LAMC3: variants seen among roughly 807,000 people sequenced by gnomAD.
LAMC3 encodes the protein laminin subunit gamma-3.
LAMC3 carries 128 observed loss-of-function variants against 173.8 expected under a neutral mutation model. That is an observed-to-expected ratio of 0.74 (90% CI 0.64 to 0.85). The LOEUF (loss-of-function observed/expected upper bound fraction) is 0.85, where lower values mean the gene tolerates loss of function less well. Among genes scored for constraint, LAMC3 ranks in the 40% least tolerant of loss-of-function variants. LAMC3 has a pLI of 0.00. For synonymous variants in LAMC3, 897 were observed against 909.1 expected (o/e 0.99, Z 0.24); for missense variants, 2,022 against 2,156.0 (o/e 0.94, Z 1.23).
intron 25 of LAMC3, 59 bp downstream of exon 25, chr9:131,085,782 C>T (rs1160492611): frequency 2.8e-5 from 42 of 1,523,008 alleles, no homozygotes; most frequent in Non-Finnish European, 2.2e-5. Context: ...ACCGCCCTTC[C>T]GCGGGCCCCT....
intron 15 of LAMC3, among the ~76,000 whole-genome samples, 168 bp downstream of exon 15, chr9:131,068,399 G>A (rs552017168): frequency 2.0e-5 from 3 of 152,274 alleles, no homozygotes; most frequent in South Asian, 2.1e-4. Context: ...CTTGGCATCC[G>A]ACTCATGCTC....
rs1834235643 is a variant in LAMC3 at position 131,049,145 on chromosome 9, A to G, written c.1630+15A>G. 2.0e-6 allele frequency: 3 copies of G among 1,465,682 alleles called. No homozygotes were observed. Among genetic ancestry groups the G allele is most frequent in the Admixed American group, 2.0e-5 (1 of 50,894 alleles). The allele number at this position is 1,465,682 out of a possible 1,614,324, so 90.8% of individuals were successfully genotyped here. A position where few individuals can be genotyped will look rare whatever the true frequency, so the allele number is the denominator to read the frequency against. On this transcript the variant is annotated intron_variant, in intron 9 of 27. Coordinates refer to ENST00000361069, the MANE Select transcript of LAMC3 (RefSeq NM_006059.4). Reference sequence around the variant, plus strand: ...CACAGCACCAGGTACCTCCAGCACCAGGTGGGGGCTGGCCGCCCTGTGTCG... The same window carrying G: ...CACAGCACCAGGTACCTCCAGCACCGGGTGGGGGCTGGCCGCCCTGTGTCG...
intron 12 of LAMC3, among the ~76,000 whole-genome samples, chr9:131,058,818 C>T (rs1829743581): frequency 6.7e-6 from 1 of 149,228 alleles, no homozygotes; most frequent in African/African-American, 2.5e-5. Context: ...CGCTTGAACC[C>T]AGGAGGCAGA....
Position 131,066,959 on chromosome 9 carries a change from G to C in LAMC3, c.2348-1G>C, listed in dbSNP as rs1829945601. 1.2e-6 allele frequency: 2 copies of C among 1,613,752 alleles called. No homozygotes were observed. Among genetic ancestry groups the C allele is most frequent in the Non-Finnish European group, 1.7e-6 (2 of 1,180,032 alleles). ...CCCACACGTGCTCCCTCTACACACAGGGCGGCGCTGTGAGGTCTGTGATGA... is the reference window on the plus strand; with the variant it reads ...CCCACACGTGCTCCCTCTACACACACGGCGGCGCTGTGAGGTCTGTGATGA... On this transcript the variant is annotated splice_acceptor_variant, in intron 13 of 27. Transcript: ENST00000361069. LOFTEE classifies it high-confidence loss of function.
In LAMC3 at chr9:131,052,866, G is replaced by A. The variant is rs375603737; in HGVS notation, c.1840G>A (p.Glu614Lys). Residue 614 changes from glutamate to lysine, a missense_variant, in exon 11 of 28, where the codon GAG (glutamate) becomes AAG (lysine). Physicochemically the swap from Glu to Lys is moderately conservative, Grantham distance 56. Coordinates refer to ENST00000361069, the MANE Select transcript of LAMC3 (RefSeq NM_006059.4). ...ELRFHLQETSEDVAPPLPPFH... is the reference protein window; with the variant it reads ...ELRFHLQETSKDVAPPLPPFH... ...TCTCGCCAGCCTGCAGGAGACCTCCGAGGACGTGGCCCCTCCACTGCCCCC... is the reference window on the plus strand; with the variant it reads ...TCTCGCCAGCCTGCAGGAGACCTCCAAGGACGTGGCCCCTCCACTGCCCCC... 16 of 1,610,242 alleles carry A rather than the reference G, an allele frequency of 9.9e-6. No individual in the cohort carries two copies. The highest frequency in any genetic ancestry group is 2.7e-5 in the African/African-American group (2 of 73,962).
In LAMC3 at chr9:131,072,811, T is replaced by C. The variant is rs771414461; in HGVS notation, c.3393T>C (p.His1131=). 6.2e-7 allele frequency: 1 copy of C among 1,612,588 alleles called. No individual in the cohort carries two copies. The highest frequency in any genetic ancestry group is 8.5e-7 in the Non-Finnish European group (1 of 1,179,480). The change falls in exon 19 of 28, where the codon CAT becomes CAC. Residue 1131 remains histidine (H), a synonymous_variant. Coordinates refer to ENST00000361069, the MANE Select transcript of LAMC3 (RefSeq NM_006059.4). ...VLESSEEEIL[H]AAAILASLEI... ...AGTCCTCGGAAGAGGAGATTCTGCA[T>C]GCAGCTGCCATTCTCGCGTCTCTGG...
At chr9:131,064,241 CTT>C (rs1829882582) in intron 13 of LAMC3, among the ~76,000 whole-genome samples, 1 of 152,152 alleles carries the variant, frequency 6.6e-6, no homozygotes, top group African/African-American at 2.4e-5. Flanking sequence ...AGACCGATGA[CTT>C]TTGAGGACAC....
intron 24 of LAMC3, among the ~76,000 whole-genome samples, chr9:131,082,736 CAG>C (rs1375969209): frequency 6.6e-6 from 1 of 152,196 alleles, no homozygotes; most frequent in African/African-American, 2.4e-5. Flanking sequence ...CAATTTGCTC[CAG>C]AGAGAAGCCC....
intron 12 of LAMC3, among the ~76,000 whole-genome samples, chr9:131,059,215 G>C (rs148243688): frequency 7.2e-6 from 1 of 138,514 alleles, no homozygotes; most frequent in African/African-American, 2.7e-5. Flanking sequence ...AAAAAAGGCC[G>C]GGCACGGTGG....
At chr9:131,015,695 G>A (rs547045551) in intron 1 of LAMC3, among the ~76,000 whole-genome samples, 3 of 152,014 alleles carry the variant, frequency 2.0e-5, no homozygotes, top group African/African-American at 4.8e-5. Flanking sequence ...TCGCTCCACC[G>A]CCCAGGCTGG....
At chr9:131,067,672 C>T (rs1352883804) in intron 14 of LAMC3, among the ~76,000 whole-genome samples, 2 of 152,212 alleles carry the variant, frequency 1.3e-5, no homozygotes, top group Admixed American at 1.3e-4. Context: ...CTCACTCTCG[C>T]TTTGTGGAAC....
rs200790891 is a variant in LAMC3 at position 131,052,641 on chromosome 9, C to A, written c.1781C>A (p.Pro594His). The A allele has an allele frequency of 6.2e-7, 1 of 1,613,942 alleles. No individual in the cohort carries two copies. The highest frequency in any genetic ancestry group is 1.3e-5 in the African/African-American group (1 of 75,036). The change falls in exon 10 of 28, where the codon CCC (proline) becomes CAC (histidine). Residue 594 changes from proline to histidine, a missense_variant. Coordinates refer to ENST00000361069, the MANE Select transcript of LAMC3 (RefSeq NM_006059.4). Reference sequence around the variant, plus strand: ...CTGAGGCACTCTAGCCTGTCTGGCCCCCAGGATGCCGGGCATCCCAGGGAG... The same window carrying A: ...CTGAGGCACTCTAGCCTGTCTGGCCACCAGGATGCCGGGCATCCCAGGGAG... ...LSLRHSSLSG[P>H]QDAGHPREVE...
intron 25 of LAMC3, among the ~76,000 whole-genome samples, chr9:131,086,224 G>A (rs117756557): frequency 0.04 from 6,121 of 151,838 alleles, 240 homozygotes; most frequent in African/African-American, 0.1. Flanking sequence ...GATTATAGGC[G>A]TGCTCCACCA....
Position 131,079,773 on chromosome 9 carries a change from G to C in LAMC3, c.3927+475G>C, listed in dbSNP as rs191320034. The stretch of plus-strand genomic sequence containing the variant: ...AACTCCACATACAGCCTGAGATAGG[G>C]GAGGGGACCCTGATACCCCGAGAAG... On this transcript the variant is annotated intron_variant, in intron 23 of 27. Transcript: ENST00000361069. Among the ~76,000 whole-genome samples the C allele has an allele frequency of 1.2e-3, 179 of 152,086 alleles. 1 individual carries two copies. Among genetic ancestry groups the C allele is most frequent in the Admixed American group, 0.012 (179 of 15,252 alleles).
intron 9 of LAMC3, among the ~76,000 whole-genome samples, chr9:131,050,073 C>T (rs117897762): frequency 0.013 from 1,923 of 152,370 alleles, 24 homozygotes; most frequent in Non-Finnish European, 0.021. Context: ...TCGGGCCCCT[C>T]GTGGGGCAGG....
At position 131,094,303 on chromosome 9, in the gene LAMC3, C is replaced by T. The variant is rs1830469465; in HGVS notation, c.*2516C>T. The T allele has an allele frequency of 6.6e-6, 1 of 152,198 alleles. No individual in the cohort carries two copies. The highest frequency in any genetic ancestry group is 2.4e-5 in the African/African-American group (1 of 41,402). 9.4% of individuals were successfully genotyped at this position (152,198 alleles called of 1,614,324 possible). On this transcript the variant is annotated 3_prime_UTR_variant, in exon 28 of 28. Transcript: ENST00000361069. The stretch of plus-strand genomic sequence containing the variant: ...CAGCTTAGGTGAAGTCCCACCAACC[C>T]CCGTTCAGGATAATGAGGATCTCTG...
rs974493484 is a variant in LAMC3, at chr9:131,029,034, C to T, written c.678+2445C>T. Reference sequence around the variant, plus strand: ...ACCACCTGTGTGGCTGACCTGTCTCCAGCCCCTCCAGAGGTGAAGCCGATT... The same window carrying T: ...ACCACCTGTGTGGCTGACCTGTCTCTAGCCCCTCCAGAGGTGAAGCCGATT... On this transcript the variant is annotated intron_variant, in intron 2 of 27. Coordinates refer to ENST00000361069, the MANE Select transcript of LAMC3 (RefSeq NM_006059.4). The surrounding 1 kb of genome is among the most constrained non-coding windows in gnomAD (Gnocchi z 4.6). 3.3e-5 allele frequency among the ~76,000 whole-genome samples: 5 copies of T among 152,196 alleles called. No homozygotes were observed. Among genetic ancestry groups the T allele is most frequent in the African/African-American group, 1.2e-4 (5 of 41,456 alleles).
Position 131,009,183 on chromosome 9 carries a change from C to A in LAMC3, c.-32C>A, listed in dbSNP as rs979968382. On this transcript the variant is annotated 5_prime_UTR_variant, in exon 1 of 28. Coordinates refer to ENST00000361069, the MANE Select transcript of LAMC3 (RefSeq NM_006059.4). The surrounding 1 kb of genome is among the most constrained non-coding windows in gnomAD (Gnocchi z 4.3). Reference sequence around the variant, plus strand: ...CGCGCCCACCCTAGCCGAGCGGGGCCGGCAGAGCGCGCGGCGTCGGTGCCC... The same window carrying A: ...CGCGCCCACCCTAGCCGAGCGGGGCAGGCAGAGCGCGCGGCGTCGGTGCCC... 2 of 1,179,846 alleles carry A rather than the reference C, an allele frequency of 1.7e-6. No individual in the cohort carries two copies. The highest frequency in any genetic ancestry group is 4.2e-5 in the South Asian group (1 of 24,080). 73.1% of individuals were successfully genotyped at this position (1,179,846 alleles called of 1,614,324 possible).
chr9:131,070,723 A>C (rs1167732618), intron 17 of LAMC3, among the ~76,000 whole-genome samples: 2 of 152,162 alleles, frequency 1.3e-5, no homozygotes, highest in African/African-American at 4.8e-5. Context: ...AAAAAAAAAA[A>C]GATGCATGCT....
Sources: allele counts gnomAD v4.1 joint callset (sites outside exome capture counted in the v4.1 genomes callset), GRCh38; gene constraint gnomAD v4.1.1; non-coding constraint Gnocchi (gnomAD v3.1); transcripts MANE v1.5; gene names NCBI Gene and HGNC (gene_info 2026-07-23, HGNC 2026-07-21).